Variants in NCOR2 observed in about 807,000 individuals in gnomAD.
The protein encoded by NCOR2 is CTG repeat protein 26.
In NCOR2, 81 loss-of-function variants were observed where a neutral mutation model predicts 262.9. The ratio of observed to expected loss-of-function variants is 0.31; its 90% CI spans 0.26 to 0.37. The LOEUF (loss-of-function observed/expected upper bound fraction) is 0.37. NCOR2 is among the 10% of genes least tolerant of loss of function. The pLI is 1.00. For missense variants in NCOR2, 3,385 were observed against 3,621.4 expected, an observed-to-expected ratio of 0.93 and a Z score of 1.68; for synonymous variants, 1,659 against 1,559.3, an observed-to-expected ratio of 1.06 and a Z score of -1.51.
At chr12:124,444,087 C>T (rs1435457725) in intron 7 of NCOR2, among the ~76,000 whole-genome samples, 2 of 152,124 alleles carry the variant, frequency 1.3e-5, no homozygotes, top group East Asian at 1.9e-4. Context: ...ATGATGCCCA[C>T]GTGTTCAACA....
intron 1 of NCOR2, among the ~76,000 whole-genome samples, chr12:124,558,204 C>T (rs979807134): frequency 1.3e-5 from 2 of 152,132 alleles, no homozygotes; most frequent in African/African-American, 2.4e-5. Context: ...CTGGGACTAA[C>T]GACTTCAGAG....
intron 18 of NCOR2, among the ~76,000 whole-genome samples, chr12:124,377,099 G>T (rs192812524): frequency 7.0e-4 from 107 of 152,318 alleles, no homozygotes; most frequent in Admixed American, 6.8e-3. Context: ...GGCAGCCCGT[G>T]TTCAGTTCCC....
chr12:124,340,414 T>C (rs1355575116), exon 36 of NCOR2: 1 of 1,612,626 alleles, frequency 6.2e-7, no homozygotes, highest in Non-Finnish European at 8.5e-7. Context: ...GAGGACGTGG[T>C]GGTTGGTTTT....
intron 1 of NCOR2, among the ~76,000 whole-genome samples, chr12:124,534,197 C>T (rs555462800): frequency 8.5e-5 from 13 of 152,298 alleles, no homozygotes; most frequent in African/African-American, 2.4e-4. Context: ...TGGCTCACAC[C>T]TGTCATCCCA....
In NCOR2 at chr12:124,334,405, AC is replaced by A; in HGVS notation, c.6605+18del. The A allele has an allele frequency of 1.3e-6, 2 of 1,517,662 alleles. No individual in the cohort carries two copies. Among genetic ancestry groups the A allele is most frequent in the South Asian group, 1.2e-5 (1 of 81,682 alleles). The allele number at this position is 1,517,662 out of a possible 1,614,324, so 94.0% of individuals were successfully genotyped here. ...TCCCGCCGGCTGACCAGCAAGAGGC[AC>A]CCCCATCCCTCGCTCACCTCTTGCC... On this transcript the variant is annotated intron_variant, in intron 41 of 46. Coordinates refer to ENST00000405201, the Ensembl canonical transcript of NCOR2.
intron 27 of NCOR2, among the ~76,000 whole-genome samples, chr12:124,353,853 C>T (rs2037719793): frequency 1.3e-5 from 2 of 152,228 alleles, no homozygotes; most frequent in Non-Finnish European, 2.9e-5. Flanking sequence ...TACTTATTTA[C>T]CCTGGTCTGT....
intron 18 of NCOR2, among the ~76,000 whole-genome samples, chr12:124,377,386 G>C (rs908397290): frequency 6.6e-6 from 1 of 152,198 alleles, no homozygotes; most frequent in Non-Finnish European, 1.5e-5. Flanking sequence ...AGAGAAAACG[G>C]GGACACCAAA....
rs116202453 is a variant in NCOR2 at position 124,422,429 on chromosome 12, C to A, written c.1383+72G>T. 4,327 of 1,570,688 alleles carry A rather than the reference C, an allele frequency of 2.8e-3. 111 individuals are homozygous for A. The African/African-American group carries it at 0.052, about 19-fold the overall frequency. ...GGGCCTTGTGGGCAAGGAGGGAGGG[C>A]CTCCACCCTGAGTCCACGCAGTTGC... On this transcript the variant is annotated intron_variant, in intron 12 of 46. Coordinates refer to ENST00000405201, the Ensembl canonical transcript of NCOR2.
rs61754987 is a variant in NCOR2, at chr12:124,333,233, C to T, written c.6652G>A (p.Gly2218Ser). The change falls in exon 42 of 47, where the codon GGT (glycine) becomes AGT (serine). Residue 2218 changes from glycine (G) to serine (S), a missense_variant. By Grantham distance (56) the Gly-to-Ser change is moderately conservative (BLOSUM62 0). Coordinates refer to ENST00000405201, the Ensembl canonical transcript of NCOR2. ...TCCGGTGGGGACACAGGTTCAATAC[C>T]GTCCTCACCACCACCCAAGACCGAC... The T allele has an allele frequency of 1.7e-3, 2,782 of 1,612,922 alleles. 6 individuals carry two copies. Among genetic ancestry groups the T allele is most frequent in the Non-Finnish European group, 2.2e-3 (2,612 of 1,179,738 alleles).
chr12:124,441,725 G>T (rs1024943082), intron 7 of NCOR2, among the ~76,000 whole-genome samples: 8 of 152,214 alleles, frequency 5.3e-5, no homozygotes, highest in Non-Finnish European at 1.2e-4. Context: ...CTGGAAGATG[G>T]GTGGGACTTG....
At chr12:124,444,943 T>A (rs1050635764) in intron 7 of NCOR2, among the ~76,000 whole-genome samples, 1 of 152,142 alleles carries the variant, frequency 6.6e-6, no homozygotes, top group Non-Finnish European at 1.5e-5. Flanking sequence ...AGTCATCTGA[T>A]GTCTCTGAAC....
At chr12:124,372,711 G>T in intron 19 of NCOR2, 101 bp from the exon 22 acceptor site, 3 of 1,094,994 alleles carry the variant, frequency 2.7e-6, no homozygotes, top group Non-Finnish European at 3.9e-6. Flanking sequence ...TCTGTCGCCT[G>T]ATGCCAAAAC....
intron 1 of NCOR2, among the ~76,000 whole-genome samples, chr12:124,507,624 C>T (rs1261242544): frequency 6.6e-6 from 1 of 152,272 alleles, no homozygotes; most frequent in African/African-American, 2.4e-5. Flanking sequence ...CTCGGAAGCG[C>T]CCGATAAGCT....
chr12:124,437,519 C>A (rs2044417263), intron 8 of NCOR2, among the ~76,000 whole-genome samples: 1 of 152,178 alleles, frequency 6.6e-6, no homozygotes, highest in Admixed American at 6.5e-5. Flanking sequence ...GCCCAGTGCA[C>A]CAGGAAAGGC....
At chr12:124,393,755 G>C (rs1044756283) in intron 16 of NCOR2, among the ~76,000 whole-genome samples, 1 of 152,206 alleles carries the variant, frequency 6.6e-6, no homozygotes, top group African/African-American at 2.4e-5. Flanking sequence ...TCTAGGCCTC[G>C]GTTTCCTCAT....
intron 13 of NCOR2, among the ~76,000 whole-genome samples, chr12:124,418,389 G>A (rs1161673652): frequency 1.3e-5 from 2 of 152,282 alleles, no homozygotes; most frequent in South Asian, 2.1e-4. Flanking sequence ...GCTGTTTCAC[G>A]GCAGACACTG....
At chr12:124,358,122 T>G (rs1324491497) in intron 22 of NCOR2, among the ~76,000 whole-genome samples, 1 of 145,264 alleles carries the variant, frequency 6.9e-6, no homozygotes, top group Non-Finnish European at 1.5e-5. Context: ...TGCGTGTGAG[T>G]GCATGGATGT....
chr12:124,527,325 C>G (rs964531344), intron 1 of NCOR2, among the ~76,000 whole-genome samples: 1 of 152,148 alleles, frequency 6.6e-6, no homozygotes, highest in Non-Finnish European at 1.5e-5. Flanking sequence ...GGGCAAGATG[C>G]GGAACCTCTC....
intron 30 of NCOR2, 103 bp from the exon 33 acceptor site, chr12:124,346,953 C>T (rs1397308658): frequency 7.5e-7 from 1 of 1,326,182 alleles, no homozygotes; most frequent in Non-Finnish European, 9.8e-7. Context: ...AGTTCAAATC[C>T]CCACTTGCTG....
Sources: allele counts gnomAD v4.1 joint callset (sites outside exome capture counted in the v4.1 genomes callset), GRCh38; gene constraint gnomAD v4.1.1; transcripts MANE v1.5; gene names NCBI Gene and HGNC (gene_info 2026-07-23, HGNC 2026-07-21).